The following ARHGAP44 variants were observed in gnomAD, a reference collection of about 807,000 sequenced individuals.
The protein encoded by ARHGAP44 is Rho GTPase activating protein 44.
A neutral mutation model predicts 106.8 loss-of-function variants in ARHGAP44; 43 were observed. The observed-to-expected ratio is 0.40, with a 90% CI of 0.32 to 0.52. The LOEUF (loss-of-function observed/expected upper bound fraction) is 0.52. ARHGAP44 is among the 20% of genes least tolerant of loss of function. The pLI is 0.48. For missense variants in ARHGAP44, 866 were observed against 1,050.5 expected, an observed-to-expected ratio of 0.82 and a Z score of 2.43; for synonymous variants, 439 against 410.3, an observed-to-expected ratio of 1.07 and a Z score of -0.85.
At chr17:12,966,706 C>T (rs1353832150) in intron 16 of ARHGAP44, among the ~76,000 whole-genome samples, 2 of 152,212 alleles carry the variant, frequency 1.3e-5, no homozygotes, top group African/African-American at 2.4e-5. Flanking sequence ...ACCAGGTTTC[C>T]CTGCCCCCTC....
intron 1 of ARHGAP44, among the ~76,000 whole-genome samples, chr17:12,794,799 G>A (rs2033870411): frequency 1.3e-5 from 2 of 152,134 alleles, no homozygotes; most frequent in Non-Finnish European, 2.9e-5. Flanking sequence ...AGAGGCCTAG[G>A]CATTAGCCAG....
intron 7 of ARHGAP44, among the ~76,000 whole-genome samples, chr17:12,938,444 A>G (rs2038610420): frequency 6.6e-6 from 1 of 152,104 alleles, no homozygotes; most frequent in Non-Finnish European, 1.5e-5. Context: ...AAATATATAG[A>G]TCAGTAAAAA....
At chr17:12,848,823 G>A (rs1597933972) in intron 1 of ARHGAP44, among the ~76,000 whole-genome samples, 1 of 152,128 alleles carries the variant, frequency 6.6e-6, no homozygotes, top group Non-Finnish European at 1.5e-5. Context: ...AAGGTGGGCG[G>A]ATCACCAGAA....
chr17:12,896,772 C>A (rs1385051411), intron 3 of ARHGAP44, among the ~76,000 whole-genome samples: 2 of 152,200 alleles, frequency 1.3e-5, no homozygotes, highest in East Asian at 1.9e-4. Context: ...CAGCTTGGAG[C>A]AACTGGGAAG....
At chr17:12,824,807 C>T (rs750784334) in intron 1 of ARHGAP44, among the ~76,000 whole-genome samples, 10 of 151,754 alleles carry the variant, frequency 6.6e-5, no homozygotes, top group South Asian at 2.1e-4. Context: ...TTCTGCACTT[C>T]TCTACCTTCT....
intron 16 of ARHGAP44, among the ~76,000 whole-genome samples, chr17:12,963,761 C>T (rs2039324744): frequency 1.3e-5 from 2 of 152,186 alleles, no homozygotes. Context: ...AGATTGGTGA[C>T]CCAGATAACC....
At chr17:12,849,980 A>G (rs944526868) in intron 1 of ARHGAP44, among the ~76,000 whole-genome samples, 12 of 152,160 alleles carry the variant, frequency 7.9e-5, no homozygotes, top group African/African-American at 2.9e-4. Context: ...CCCATAAAAG[A>G]GCATTCAGAT....
At chr17:12,969,253 T>C (rs2039468274) in intron 16 of ARHGAP44, among the ~76,000 whole-genome samples, 1 of 151,984 alleles carries the variant, frequency 6.6e-6, no homozygotes, top group African/African-American at 2.4e-5. Flanking sequence ...TTCCCCCCTT[T>C]ATCAACATAT....
At chr17:12,987,192 A>C in intron 20 of ARHGAP44, 1 of 1,504,072 alleles carries the variant, frequency 6.6e-7, no homozygotes, top group South Asian at 1.2e-5. Context: ...CCCGCTAGCT[A>C]GCCAGGCCAG....
At chr17:12,970,383 A>AAAG (rs1555565455) in intron 16 of ARHGAP44, among the ~76,000 whole-genome samples, 32,014 of 140,128 alleles carry the variant, frequency 0.23, 4,409 homozygotes, top group Admixed American at 0.31. Context: ...AAAAAAAAAA[A>AAAG]AAAAAGAAAA....
chr17:12,793,711 C>CA (rs777188771), intron 1 of ARHGAP44, among the ~76,000 whole-genome samples: 2,027 of 129,404 alleles, frequency 0.016, 39 homozygotes, highest in African/African-American at 0.046. Context: ...CCATCTCACA[C>CA]AAAAAAAAAA....
At chr17:12,888,443 G>A (rs1304361445) in intron 1 of ARHGAP44, among the ~76,000 whole-genome samples, 1 of 152,034 alleles carries the variant, frequency 6.6e-6, no homozygotes, top group Non-Finnish European at 1.5e-5. Context: ...TTGTGGTCAC[G>A]GAACAAACTG....
intron 3 of ARHGAP44, among the ~76,000 whole-genome samples, chr17:12,900,295 A>G (rs2037336859): frequency 6.6e-6 from 1 of 151,660 alleles, no homozygotes. Context: ...ACGCCCAGAT[A>G]ATTTTGGTAT....
chr17:12,902,624 G>C (rs1457447976), intron 3 of ARHGAP44, among the ~76,000 whole-genome samples: 1 of 152,224 alleles, frequency 6.6e-6, no homozygotes, highest in East Asian at 1.9e-4. Flanking sequence ...TTTAGGCACA[G>C]AACTTGCCTA....
At chr17:12,890,461 G>C (rs1020620213) in intron 1 of ARHGAP44, among the ~76,000 whole-genome samples, 1 of 152,190 alleles carries the variant, frequency 6.6e-6, no homozygotes, top group Non-Finnish European at 1.5e-5. Flanking sequence ...TAATGGCTGG[G>C]GCAGCCAAGG....
intron 1 of ARHGAP44, among the ~76,000 whole-genome samples, chr17:12,815,804 G>C (rs1200141847): frequency 2.0e-5 from 3 of 152,182 alleles, no homozygotes; most frequent in African/African-American, 7.2e-5. Flanking sequence ...AAAGTGAGCC[G>C]TTAAGAATAG....
intron 16 of ARHGAP44, among the ~76,000 whole-genome samples, chr17:12,959,589 C>T (rs1176639128): frequency 6.6e-6 from 1 of 152,164 alleles, no homozygotes; most frequent in Non-Finnish European, 1.5e-5. Context: ...GTAACAAGCA[C>T]AGCTGACTCA....
chr17:12,827,171 A>G (rs1277953994), intron 1 of ARHGAP44, among the ~76,000 whole-genome samples: 1 of 152,150 alleles, frequency 6.6e-6, no homozygotes, highest in African/African-American at 2.4e-5. Context: ...TCTTTTAGTG[A>G]CAATTTGAAT....
At position 12,887,762 on chromosome 17, in the gene ARHGAP44, G is replaced by C. The variant is rs184879601; in HGVS notation, c.54-7178G>C. On this transcript the variant is annotated intron_variant, in intron 1 of 20. Coordinates refer to ENST00000379672, the MANE Select transcript of ARHGAP44 (RefSeq NM_014859.6). ...TTATCTAATGAAATCTTCTGGGCCTGAAGATTTTTGCAGGGAAGTTTTTAA... is the reference window on the plus strand; with the variant it reads ...TTATCTAATGAAATCTTCTGGGCCTCAAGATTTTTGCAGGGAAGTTTTTAA... 1.9e-3 allele frequency among the ~76,000 whole-genome samples: 293 copies of C among 152,050 alleles called. 1 individual carries two copies. The highest frequency in any genetic ancestry group is 6.7e-3 in the African/African-American group (278 of 41,484).
Sources: allele counts gnomAD v4.1 joint callset (sites outside exome capture counted in the v4.1 genomes callset), GRCh38; gene constraint gnomAD v4.1.1; transcripts MANE v1.5; gene names NCBI Gene and HGNC (gene_info 2026-07-23, HGNC 2026-07-21).